ZFAND3: variants seen among roughly 807,000 people sequenced by gnomAD.
The protein encoded by ZFAND3 is zinc finger AN1-type containing 3, also known as AN1-type zinc finger protein 3.
Under a neutral mutation model 29.6 loss-of-function variants are expected in ZFAND3, and 10 were observed. That is an observed-to-expected ratio of 0.34 (90% CI 0.21 to 0.57). The LOEUF is 0.57. ZFAND3 is among the 20% of genes least tolerant of loss of function. The pLI, the probability that ZFAND3 is intolerant of heterozygous loss-of-function variation, is 0.86. For missense variants in ZFAND3, 230 were observed against 304.5 expected (o/e 0.76, Z 1.82); for synonymous variants, 128 against 112.6 (o/e 1.14, Z -0.87).
intron 5 of ZFAND3, among the ~76,000 whole-genome samples, chr6:38,125,576 C>T (rs1562008855): frequency 6.6e-6 from 1 of 152,202 alleles, no homozygotes; most frequent in Non-Finnish European, 1.5e-5. Flanking sequence ...AGACCCTTAT[C>T]CCATGGCATG....
intron 4 of ZFAND3, among the ~76,000 whole-genome samples, chr6:38,085,955 TCAGTCAC>T (rs1764747832): frequency 6.6e-6 from 1 of 152,206 alleles, no homozygotes; most frequent in Non-Finnish European, 1.5e-5. Context: ...GATTGATTAA[TCAGTCAC>T]CATTTGTATT....
intron 1 of ZFAND3, among the ~76,000 whole-genome samples, chr6:37,920,345 A>G (rs997749332): frequency 4.0e-5 from 6 of 149,922 alleles, no homozygotes; most frequent in Admixed American, 2.7e-4. Context: ...AGGGGCTTTC[A>G]TTCATATATT....
At chr6:37,974,853 G>T (rs1762453553) in intron 2 of ZFAND3, among the ~76,000 whole-genome samples, 1 of 152,044 alleles carries the variant, frequency 6.6e-6, no homozygotes, top group Non-Finnish European at 1.5e-5. Context: ...TTAGTTGATG[G>T]ACATTTGGTG....
At chr6:38,014,312 T>TTTA (rs138224141) in intron 2 of ZFAND3, among the ~76,000 whole-genome samples, 82 of 146,676 alleles carry the variant, frequency 5.6e-4, no homozygotes, top group Admixed American at 1.3e-3. Context: ...GTAATTTTAC[T>TTTA]TTATTATTAT....
intron 5 of ZFAND3, among the ~76,000 whole-genome samples, chr6:38,144,680 A>G (rs1010594297): frequency 5.3e-5 from 8 of 152,340 alleles, no homozygotes; most frequent in African/African-American, 1.9e-4. Context: ...ATGAGCAAGA[A>G]GTGTAAAACA....
At chr6:38,009,300 C>G (rs1162282685) in intron 2 of ZFAND3, among the ~76,000 whole-genome samples, 3 of 152,152 alleles carry the variant, frequency 2.0e-5, no homozygotes, top group African/African-American at 7.2e-5. Flanking sequence ...TCGGTAGCAT[C>G]TTAACAAGTG....
chr6:38,128,101 A>G (rs1299731859), intron 5 of ZFAND3, among the ~76,000 whole-genome samples: 1 of 152,254 alleles, frequency 6.6e-6, no homozygotes, highest in Non-Finnish European at 1.5e-5. Context: ...AAGGCCAGTT[A>G]TGGCAAACAC....
intron 2 of ZFAND3, among the ~76,000 whole-genome samples, chr6:37,981,941 C>CA (rs1048006688): frequency 6.6e-6 from 1 of 152,120 alleles, no homozygotes; most frequent in Non-Finnish European, 1.5e-5. Context: ...TTGGACAACT[C>CA]AAAGTGGGGA....
At position 37,867,617 on chromosome 6, in the gene ZFAND3, AT is replaced by A. The variant is rs576029905; in HGVS notation, c.71+47609del. On this transcript the variant is annotated intron_variant, in intron 1 of 5. Coordinates refer to ENST00000287218, the MANE Select transcript of ZFAND3 (RefSeq NM_021943.3). ...ATTCCACATTAGTGGTACTTGTCCA[AT>A]TTTTTTTGATCAGCTAATGAAATAT... Among the ~76,000 whole-genome samples the A allele has an allele frequency of 6.6e-5, 10 of 151,984 alleles. No individual in the cohort carries two copies. In the South Asian group the frequency reaches 2.1e-3, roughly 32 times the overall value.
At position 37,819,877 on chromosome 6, in the gene ZFAND3, C is replaced by T; in HGVS notation, c.-69C>T. On this transcript the variant is annotated 5_prime_UTR_variant, in exon 1 of 6. Transcript: ENST00000287218. ...CCCCCGACGCCGCCGCCACCGCCTCCTCAGAGCGGGGCCCGGGCCCAGCCG... is the reference window on the plus strand; with the variant it reads ...CCCCCGACGCCGCCGCCACCGCCTCTTCAGAGCGGGGCCCGGGCCCAGCCG... 5.3e-6 allele frequency: 6 copies of T among 1,138,826 alleles called. No homozygotes were observed. Among genetic ancestry groups the T allele is most frequent in the Non-Finnish European group, 6.5e-6 (6 of 924,880 alleles). The allele number at this position is 1,138,826 out of a possible 1,614,324, so 70.5% of individuals were successfully genotyped here.
At chr6:37,957,040 T>C (rs541598162) in intron 2 of ZFAND3, among the ~76,000 whole-genome samples, 1 of 152,328 alleles carries the variant, frequency 6.6e-6, no homozygotes, top group Middle Eastern at 3.4e-3. Flanking sequence ...TTATGAAAAC[T>C]GAAATGACCC....
At chr6:37,841,289 T>G (rs747936453) in intron 1 of ZFAND3, among the ~76,000 whole-genome samples, 13 of 152,184 alleles carry the variant, frequency 8.5e-5, no homozygotes, top group Non-Finnish European at 1.8e-4. Context: ...TCATGAGAAA[T>G]CAAGAATTGT....
chr6:38,059,063 C>T (rs572879546), intron 2 of ZFAND3, among the ~76,000 whole-genome samples: 1 of 152,244 alleles, frequency 6.6e-6, no homozygotes, highest in African/African-American at 2.4e-5. Context: ...AAACTATAAT[C>T]TGTACTTCAT....
At chr6:37,828,656 C>CT (rs56234016) in intron 1 of ZFAND3, among the ~76,000 whole-genome samples, 103,709 of 149,458 alleles carry the variant, frequency 0.69, 36,408 homozygotes, top group African/African-American at 0.76. Context: ...ATTTTCTTTT[C>CT]TTTTTTTTTT....
intron 5 of ZFAND3, among the ~76,000 whole-genome samples, chr6:38,124,374 A>AG (rs1015524036): frequency 6.6e-6 from 1 of 152,160 alleles, no homozygotes; most frequent in Non-Finnish European, 1.5e-5. Flanking sequence ...GCCATGGAGC[A>AG]GGGGGCGGCG....
intron 1 of ZFAND3, among the ~76,000 whole-genome samples, chr6:37,912,091 G>A (rs1765534256): frequency 6.7e-6 from 1 of 149,734 alleles, no homozygotes; most frequent in Non-Finnish European, 1.5e-5. Context: ...GGTAGCATAT[G>A]TTTGTGAGAG....
At chr6:37,975,244 T>C (rs528744926) in intron 2 of ZFAND3, among the ~76,000 whole-genome samples, 11 of 152,340 alleles carry the variant, frequency 7.2e-5, no homozygotes, top group African/African-American at 2.4e-4. Context: ...ACATTGAGCA[T>C]CTTTTCATGA....
At chr6:37,922,504 CA>C (rs1010842938) in intron 1 of ZFAND3, among the ~76,000 whole-genome samples, 16 of 152,056 alleles carry the variant, frequency 1.1e-4, no homozygotes, top group African/African-American at 3.9e-4. Flanking sequence ...TGTATATACA[CA>C]AAAGAAAATA....
intron 5 of ZFAND3, among the ~76,000 whole-genome samples, chr6:38,143,886 C>G (rs1274532415): frequency 6.6e-6 from 1 of 152,002 alleles, no homozygotes; most frequent in African/African-American, 2.4e-5. Flanking sequence ...CCTTCCATTC[C>G]CAAAACACCT....
Sources: gnomAD v4.1 joint callset for allele counts (sites outside exome capture counted in the v4.1 genomes callset) on GRCh38, gnomAD v4.1.1 for gene constraint, MANE v1.5 for transcripts, NCBI Gene and HGNC (gene_info 2026-07-23, HGNC 2026-07-21) for gene names.